Variants in KYNU observed in about 807,000 individuals in gnomAD.
KYNU encodes kynureninase, also known as L-kynurenine hydrolase.
A neutral mutation model predicts 59.2 loss-of-function variants in KYNU; 54 were observed. That is an observed-to-expected ratio of 0.91 (90% CI 0.73 to 1.14). The LOEUF (loss-of-function observed/expected upper bound fraction) is 1.14, where lower values mean the gene tolerates loss of function less well. Among genes scored for constraint, KYNU ranks in the 50% most tolerant of loss-of-function variants. KYNU has a pLI of 0.00. For synonymous variants in KYNU, 177 were observed against 192.0 expected (o/e 0.92, Z 0.65); for missense variants, 567 against 554.4 (o/e 1.02, Z -0.23).
At chr2:142,942,354 A>G (rs1303692245) in intron 4 of KYNU, among the ~76,000 whole-genome samples, 1 of 152,134 alleles carries the variant, frequency 6.6e-6, no homozygotes, top group African/African-American at 2.4e-5. Flanking sequence ...AATAAATTCT[A>G]ATTTGTTTCT....
At position 142,957,671 on chromosome 2, in the gene KYNU, G is replaced by C; in HGVS notation, c.538G>C (p.Gly180Arg). The C allele has an allele frequency of 6.2e-7, 1 of 1,606,738 alleles. No individual in the cohort carries two copies. The highest frequency in any genetic ancestry group is 8.5e-7 in the Non-Finnish European group (1 of 1,173,918). The change falls in exon 7 of 14, where the codon GGA becomes CGA. Residue 180 changes from glycine to arginine, a missense_variant. Physicochemically the swap from Gly to Arg is moderately radical, Grantham distance 125. Coordinates refer to ENST00000264170, the MANE Select transcript of KYNU (RefSeq NM_003937.3). The part of the protein sequence containing the change: ...YAIESQLQLH[G>R]LNIEESMRMI... ...TATTGAGTCACAACTACAACTTCAC[G>C]GACTTAACATTGAAGAAAGTATGCG... is the stretch of plus-strand genomic sequence containing the variant.
intron 8 of KYNU, among the ~76,000 whole-genome samples, chr2:142,964,499 G>T (rs560233462): frequency 1.3e-5 from 2 of 152,106 alleles, no homozygotes; most frequent in African/African-American, 4.8e-5. Context: ...GTGGTAATGC[G>T]TGGCAGTTTT....
chr2:142,988,763 G>T, intron 10 of KYNU: 1 of 946,788 alleles, frequency 1.1e-6, no homozygotes, highest in South Asian at 1.3e-5. Context: ...TGATGTCAGT[G>T]ACTGATCTCA....
At position 142,985,644 on chromosome 2, in the gene KYNU, A is replaced by G. The variant is rs113802320; in HGVS notation, c.829-304A>G. ...TTTATTATTATTACAATATTTTAGG[A>G]CAAAATAATTTAAATGTATGAATTT... On this transcript the variant is annotated intron_variant, in intron 9 of 13. Transcript: ENST00000264170. Among the ~76,000 whole-genome samples, 13 of 151,904 alleles carry G rather than the reference A, an allele frequency of 8.6e-5. 1 individual carries two copies. The highest frequency in any genetic ancestry group is 8.5e-4 in the Admixed American group (13 of 15,224).
rs1046618522 is a variant in KYNU at position 143,043,864 on chromosome 2, C to A, written c.*1692C>A. ...TATATATATATTTATACTTTAAGTT[C>A]TTGGATACACGTGCAGAACATGCAG... On this transcript the variant is annotated 3_prime_UTR_variant, in exon 14 of 14. Transcript: ENST00000264170. The A allele has an allele frequency of 6.8e-6, 1 of 147,550 alleles. No individual in the cohort carries two copies. The highest frequency in any genetic ancestry group is 2.5e-5 in the African/African-American group (1 of 40,050). The allele number at this position is 147,550 out of a possible 1,614,324, so 9.1% of individuals were successfully genotyped here.
intron 10 of KYNU, among the ~76,000 whole-genome samples, chr2:142,991,131 A>G (rs958305423): frequency 5.9e-5 from 9 of 151,992 alleles, no homozygotes. Context: ...TTAACATTGT[A>G]TGAAGAGATC....
intron 2 of KYNU, among the ~76,000 whole-genome samples, chr2:142,889,299 CAG>C (rs964758551): frequency 6.6e-6 from 1 of 152,164 alleles, no homozygotes; most frequent in African/African-American, 2.4e-5. Flanking sequence ...CCGTAATCAA[CAG>C]ACAGTGGCGG....
At chr2:142,973,440 A>T (rs1216121396) in intron 8 of KYNU, among the ~76,000 whole-genome samples, 1 of 152,022 alleles carries the variant, frequency 6.6e-6, no homozygotes, top group African/African-American at 2.4e-5. Context: ...GCCCCAATAC[A>T]CTGGCCCCTC....
At chr2:142,912,703 C>CTTTT (rs1163302368) in intron 2 of KYNU, among the ~76,000 whole-genome samples, 155 of 71,856 alleles carry the variant, frequency 2.2e-3, no homozygotes, top group Non-Finnish European at 2.4e-3. Flanking sequence ...TTCTTTCTTC[C>CTTTT]TTTTTTTTTT....
intron 4 of KYNU, among the ~76,000 whole-genome samples, chr2:142,939,309 G>C (rs1342611213): frequency 6.6e-6 from 1 of 152,072 alleles, no homozygotes; most frequent in Non-Finnish European, 1.5e-5. Flanking sequence ...TCTAGTTTAA[G>C]ATAACAGATT....
rs142936413 is a variant in KYNU, at chr2:142,890,683, G to T, written c.169+5147G>T. Among the ~76,000 whole-genome samples, 1,179 of 152,252 alleles carry T rather than the reference G, an allele frequency of 7.7e-3. 10 individuals are homozygous for T. The highest frequency in any genetic ancestry group is 0.02 in the Middle Eastern group (6 of 294). On this transcript the variant is annotated intron_variant, in intron 2 of 13. Coordinates refer to ENST00000264170, the MANE Select transcript of KYNU (RefSeq NM_003937.3). ...TGTCAAGGCAGAGTTCTGCCATGTT[G>T]CTCAGGCTGGTCTCAAACTCCTGGA...
At chr2:143,023,139 A>G (rs1310033648) in intron 10 of KYNU, among the ~76,000 whole-genome samples, 5 of 151,918 alleles carry the variant, frequency 3.3e-5, no homozygotes, top group African/African-American at 7.2e-5. Flanking sequence ...TGTTTTGGCA[A>G]TTTCCCAAAA....
chr2:142,956,995 T>A (rs1684186992), intron 6 of KYNU, among the ~76,000 whole-genome samples: 1 of 152,044 alleles, frequency 6.6e-6, no homozygotes, highest in Admixed American at 6.6e-5. Context: ...AAATAATAAA[T>A]AAATAAATTA....
chr2:142,932,826 C>T (rs1036239765), intron 4 of KYNU, among the ~76,000 whole-genome samples: 11 of 151,982 alleles, frequency 7.2e-5, no homozygotes, highest in Admixed American at 5.2e-4. Flanking sequence ...AAGGAGCTGC[C>T]GTCTACAAAC....
chr2:142,902,185 G>A (rs546734291), intron 2 of KYNU, among the ~76,000 whole-genome samples: 21 of 152,258 alleles, frequency 1.4e-4, no homozygotes, highest in Non-Finnish European at 2.2e-4. Context: ...GCCACTACCC[G>A]TAAACAATGA....
intron 3 of KYNU, among the ~76,000 whole-genome samples, chr2:142,922,259 G>T (rs538532591): frequency 4.3e-4 from 66 of 152,334 alleles, no homozygotes; most frequent in African/African-American, 1.5e-3. Flanking sequence ...CCAGGACTTT[G>T]GGAGGCCAAG....
chr2:142,953,915 A>ACTGT (rs1684078100), intron 4 of KYNU: 4 of 152,278 alleles, frequency 2.6e-5, no homozygotes, highest in Admixed American at 2.6e-4. Context: ...TATTCTATGT[A>ACTGT]CTGTCTATTC....
chr2:142,989,266 T>C, intron 10 of KYNU: 1 of 479,394 alleles, frequency 2.1e-6, no homozygotes, highest in Non-Finnish European at 2.9e-6. Context: ...TATATTTCAG[T>C]TGTTAGCATT....
rs553432359 is a variant in KYNU at position 142,967,645 on chromosome 2, C to T, written c.729+6875C>T. Reference sequence around the variant, plus strand: ...ACCACATTTAAATATGAATATCCACCTCAGTGAACCTTCTATTTATCTTCA... The same window carrying T: ...ACCACATTTAAATATGAATATCCACTTCAGTGAACCTTCTATTTATCTTCA... On this transcript the variant is annotated intron_variant, in intron 8 of 13. Transcript: ENST00000264170. Among the ~76,000 whole-genome samples the T allele has an allele frequency of 4.9e-4, 75 of 152,186 alleles. 1 individual carries two copies. The highest frequency in any genetic ancestry group is 3.1e-3 in the South Asian group (15 of 4,812).
Sources: allele counts gnomAD v4.1 joint callset (sites outside exome capture counted in the v4.1 genomes callset), GRCh38; gene constraint gnomAD v4.1.1; transcripts MANE v1.5; gene names NCBI Gene and HGNC (gene_info 2026-07-23, HGNC 2026-07-21).